CCDC102A: variants seen among roughly 807,000 people sequenced by gnomAD.
CCDC102A encodes the protein coiled-coil domain containing 102A.
CCDC102A carries 40 observed loss-of-function variants against 55.5 expected under a neutral mutation model. That is an observed-to-expected ratio of 0.72 (90% CI 0.56 to 0.94). CCDC102A has a LOEUF of 0.94. CCDC102A is among the 40% of genes least tolerant of loss of function. The pLI is 0.00. For missense variants in CCDC102A, 779 were observed against 768.6 expected (o/e 1.01, Z -0.16); for synonymous variants, 323 against 339.0 (o/e 0.95, Z 0.52).
At position 57,526,001 on chromosome 16, in the gene CCDC102A, G is replaced by C; in HGVS notation, c.712C>G (p.Pro238Ala). The stretch of plus-strand genomic sequence containing the variant: ...TCCGTGGCAGCTGTGTCCTCCCAGG[G>C]TAGCCGGCTGCGCTCCTGGCGGCCT... Reference protein sequence around the residue: ...SSGRQERSRLPWEDTAATEEE... With the variant: ...SSGRQERSRLAWEDTAATEEE... Residue 238 changes from proline to alanine, a missense_variant, in exon 3 of 9, where the codon CCC (proline) becomes GCC (alanine). Coordinates refer to ENST00000258214, the MANE Select transcript of CCDC102A (RefSeq NM_033212.4). The C allele has an allele frequency of 6.2e-7, 1 of 1,608,542 alleles. No individual in the cohort carries two copies. The highest frequency in any genetic ancestry group is 8.5e-7 in the Non-Finnish European group (1 of 1,177,972).
At position 57,529,639 on chromosome 16, in the gene CCDC102A, C is replaced by G. The variant is rs1180109327; in HGVS notation, c.-147-315G>C. Among the ~76,000 whole-genome samples, 2 of 152,196 alleles carry G rather than the reference C, an allele frequency of 1.3e-5. No homozygotes were observed. The highest frequency in any genetic ancestry group is 2.4e-5 in the African/African-American group (1 of 41,444). On this transcript the variant is annotated intron_variant, in intron 1 of 8. Transcript: ENST00000258214. The surrounding 1 kb of genome is among the most constrained non-coding windows in gnomAD (Gnocchi z 4.1). ...ATGCAACTTCCGCACAGGACCCAGG[C>G]GGGGGCACTGGGCTGGTGCCAGGAG...
At chr16:57,526,874 G>A (rs1343067318) in intron 2 of CCDC102A, among the ~76,000 whole-genome samples, 1 of 152,190 alleles carries the variant, frequency 6.6e-6, no homozygotes, top group Non-Finnish European at 1.5e-5. Context: ...AGGTGGAGGT[G>A]TCCAAAGCCC....
intron 4 of CCDC102A, among the ~76,000 whole-genome samples, chr16:57,520,662 C>A (rs573859585): frequency 3.4e-5 from 5 of 149,042 alleles, no homozygotes; most frequent in African/African-American, 5.0e-5. Context: ...AAAATAAAGC[C>A]AGGCACTGTG....
chr16:57,522,296 TCACTCCCTGGAACTG>T (rs1438431896), intron 3 of CCDC102A, among the ~76,000 whole-genome samples: 10 of 152,120 alleles, frequency 6.6e-5, no homozygotes, highest in Non-Finnish European at 2.9e-5. Context: ...AGATCACAGC[TCACTCCCTGGAACTG>T]CACTCCCTAC....
chr16:57,529,490 G>T lies in CCDC102A; in HGVS notation c.-147-166C>A, dbSNP rs780943421. ...ATTGGTGGAGCAAGGGCCCGCAAAG[G>T]CCTCCTCAGTGGCCTCGACTCCCTG... On this transcript the variant is annotated intron_variant, in intron 1 of 8. Coordinates refer to ENST00000258214, the MANE Select transcript of CCDC102A (RefSeq NM_033212.4). The surrounding 1 kb of genome is among the most constrained non-coding windows in gnomAD (Gnocchi z 4.1). Among the ~76,000 whole-genome samples the T allele has an allele frequency of 6.6e-6, 1 of 152,196 alleles. No individual in the cohort carries two copies. Among genetic ancestry groups the T allele is most frequent in the South Asian group, 2.1e-4 (1 of 4,828 alleles).
chr16:57,512,534 G>T lies in CCDC102A; in HGVS notation c.*207C>A, dbSNP rs1237779364. 3 of 553,506 alleles carry T rather than the reference G, an allele frequency of 5.4e-6. No individual in the cohort carries two copies. The highest frequency in any genetic ancestry group is 9.3e-6 in the Non-Finnish European group (3 of 322,616). The allele number at this position is 553,506 out of a possible 1,614,324, so 34.3% of individuals were successfully genotyped here. ...GGTGTGCGCGCGCGCGCGCGCGTGT[G>T]TGTATATATATATATAAAACATAGG... On this transcript the variant is annotated 3_prime_UTR_variant, in exon 9 of 9. Transcript: ENST00000258214.
In CCDC102A at chr16:57,526,163, G is replaced by A. The variant is rs141363574; in HGVS notation, c.586-36C>T. 3,927 of 1,443,092 alleles carry A rather than the reference G, an allele frequency of 2.7e-3. 9 individuals are homozygous for A. Among genetic ancestry groups the A allele is most frequent in the Non-Finnish European group, 3.4e-3 (3,626 of 1,078,100 alleles). 89.4% of individuals were successfully genotyped at this position (1,443,092 alleles called of 1,614,324 possible). A position where few individuals can be genotyped will look rare whatever the true frequency, so the allele number is the denominator to read the frequency against. On this transcript the variant is annotated intron_variant, in intron 2 of 8. Transcript: ENST00000258214. ...CAAGGTGGAGGCTGGACCAGTGGCC[G>A]CCAAGCCAGGCCCTGGGTCTGAGAT...
In CCDC102A at chr16:57,528,973, A is replaced by T; in HGVS notation, c.205T>A (p.Trp69Arg). 7.7e-7 allele frequency: 1 copy of T among 1,291,710 alleles called. No individual in the cohort carries two copies. Among genetic ancestry groups the T allele is most frequent in the Non-Finnish European group, 9.9e-7 (1 of 1,009,576 alleles). 80.0% of individuals were successfully genotyped at this position (1,291,710 alleles called of 1,614,324 possible). The change falls in exon 2 of 9, where the codon TGG (tryptophan) becomes AGG (arginine). Residue 69 changes from tryptophan (W) to arginine (R), a missense_variant. Trp to Arg is a moderately radical substitution (Grantham distance 101). Transcript: ENST00000258214. The stretch of plus-strand genomic sequence containing the variant: ...AGCCGCAGCTCCTCGCGGCTCTCCC[A>T]GTCGCCGTCGGCCAGCAGCGCGGGC... ...PAPALLADGD[W>R]ESREELRLRE...
At chr16:57,536,940 C>G (rs1460164679), upstream of CCDC102A, among the ~76,000 whole-genome samples, 1 of 152,178 alleles carries the variant, frequency 6.6e-6, no homozygotes, top group Non-Finnish European at 1.5e-5. Context: ...GCGAGCTTAC[C>G]AAGTCTTCAC....
In CCDC102A at chr16:57,516,108, C is replaced by T. The variant is rs545643488; in HGVS notation, c.1419+185G>A. Among the ~76,000 whole-genome samples the T allele has an allele frequency of 3.3e-5, 5 of 152,348 alleles. No individual in the cohort carries two copies. In the South Asian group the frequency reaches 1.0e-3, roughly 32 times the overall value. ...TCTGTTCATTTTTCTTCCCATCTTC[C>T]CACCCACATGTCCATCCTGCCATCC... On this transcript the variant is annotated intron_variant, in intron 7 of 8. Transcript: ENST00000258214. The surrounding 1 kb of genome is among the most constrained non-coding windows in gnomAD (Gnocchi z 4.4).
chr16:57,516,531 A>C lies in CCDC102A; in HGVS notation c.1249-68T>G. The C allele has an allele frequency of 1.4e-6, 2 of 1,380,502 alleles. No individual in the cohort carries two copies. The highest frequency in any genetic ancestry group is 2.0e-6 in the Non-Finnish European group (2 of 991,078). The allele number at this position is 1,380,502 out of a possible 1,614,324, so 85.5% of individuals were successfully genotyped here. On this transcript the variant is annotated intron_variant, in intron 6 of 8. Transcript: ENST00000258214. This position sits in a 1 kb window ranked among gnomAD's most constrained non-coding sequence, Gnocchi z 4.4. ...TATCAGCTTGGGCGCCATGCCAGGGAGTCCCACGAGGTCAGGCAGTTCTAG... is the reference window on the plus strand; with the variant it reads ...TATCAGCTTGGGCGCCATGCCAGGGCGTCCCACGAGGTCAGGCAGTTCTAG...
At chr16:57,527,947 CT>C (rs1291050022) in intron 2 of CCDC102A, among the ~76,000 whole-genome samples, 7 of 152,202 alleles carry the variant, frequency 4.6e-5, no homozygotes, top group Non-Finnish European at 5.9e-5. Context: ...CCTTCGGGCA[CT>C]TTTTTTCTTA....
intron 3 of CCDC102A, among the ~76,000 whole-genome samples, chr16:57,524,262 C>T (rs1375315884): frequency 8.6e-5 from 13 of 151,954 alleles, no homozygotes; most frequent in East Asian, 7.7e-4. Flanking sequence ...GTGCTGGGGC[C>T]GCCACCTCCT....
At chr16:57,515,305 T>C (rs1412865682) in intron 8 of CCDC102A, 36 bp downstream of exon 8, 1 of 1,310,644 alleles carries the variant, frequency 7.6e-7, no homozygotes, top group Non-Finnish European at 1.1e-6. Context: ...TGGCTGGAAG[T>C]CTCTGCCCTG....
At position 57,525,706 on chromosome 16, in the gene CCDC102A, G is replaced by A. The variant is rs916744967; in HGVS notation, c.812+195C>T. 4.1e-4 allele frequency among the ~76,000 whole-genome samples: 62 copies of A among 152,342 alleles called. 1 individual carries two copies. Among genetic ancestry groups the A allele is most frequent in the African/African-American group, 1.5e-3 (61 of 41,576 alleles). On this transcript the variant is annotated intron_variant, in intron 3 of 8. Coordinates refer to ENST00000258214, the MANE Select transcript of CCDC102A (RefSeq NM_033212.4). ...GCACAGTGCCTGGCCCAGAACAGGT[G>A]CCTGGTAACGTATTATTTGAATGAA...
At chr16:57,515,875 C>G (rs1266047614) in intron 7 of CCDC102A, among the ~76,000 whole-genome samples, 2 of 151,558 alleles carry the variant, frequency 1.3e-5, no homozygotes, top group South Asian at 2.1e-4. Context: ...GTCAACCTGG[C>G]CTTCTTTCTC....
Position 57,512,649 on chromosome 16 carries a change from G to C in CCDC102A, c.*92C>G. On this transcript the variant is annotated 3_prime_UTR_variant, in exon 9 of 9. Coordinates refer to ENST00000258214, the MANE Select transcript of CCDC102A (RefSeq NM_033212.4). ...GGCTGTGGCAGGGACTGGTCCCAGA[G>C]TGAGCCTAGGCACTGCATCAGTTTG... The C allele has an allele frequency of 6.7e-7, 1 of 1,482,202 alleles. No homozygotes were observed. The highest frequency in any genetic ancestry group is 2.3e-5 in the East Asian group (1 of 43,276). 91.8% of individuals were successfully genotyped at this position (1,482,202 alleles called of 1,614,324 possible). A position where few individuals can be genotyped will look rare whatever the true frequency, so the allele number is the denominator to read the frequency against.
chr16:57,530,634 G>A (rs1237620030), intron 1 of CCDC102A, among the ~76,000 whole-genome samples: 1 of 152,042 alleles, frequency 6.6e-6, no homozygotes, highest in African/African-American at 2.4e-5. Flanking sequence ...CAAGCCCCAC[G>A]GCCCCCTCCT....
rs2032178571 is a variant in CCDC102A at position 57,528,352 on chromosome 16, C to A, written c.585+241G>T. Among the ~76,000 whole-genome samples the A allele has an allele frequency of 2.0e-5, 3 of 152,298 alleles. No homozygotes were observed. The South Asian group carries it at 6.2e-4, about 32-fold the overall frequency. On this transcript the variant is annotated intron_variant, in intron 2 of 8. Transcript: ENST00000258214. ...CTCTCCTGGCTCAAAGGGGATGATT[C>A]CTTGGTTCTGTTGACTTCTCAGGTG...
Sources: allele counts gnomAD v4.1 joint callset (sites outside exome capture counted in the v4.1 genomes callset), GRCh38; gene constraint gnomAD v4.1.1; non-coding constraint Gnocchi (gnomAD v3.1); transcripts MANE v1.5; gene names NCBI Gene and HGNC (gene_info 2026-07-23, HGNC 2026-07-21).